TBC1D9: variants seen among roughly 807,000 people sequenced by gnomAD.
TBC1D9 encodes the protein TBC1 domain family member 9A.
Under a neutral mutation model 132.0 loss-of-function variants are expected in TBC1D9, and 63 were observed. That is an observed-to-expected ratio of 0.48 (90% CI 0.39 to 0.59). The LOEUF (loss-of-function observed/expected upper bound fraction) is 0.59. Ranked by LOEUF, TBC1D9 falls within the 20% of genes least tolerant of loss-of-function variation. The pLI, the probability that TBC1D9 is intolerant of heterozygous loss-of-function variation, is 0.00. For synonymous variants in TBC1D9, 610 were observed against 609.9 expected, an observed-to-expected ratio of 1.00 and a Z score of 0.00; for missense variants, 1,261 against 1,592.7, an observed-to-expected ratio of 0.79 and a Z score of 3.54.
chr4:140,703,519 C>T (rs758), intron 1 of TBC1D9, among the ~76,000 whole-genome samples: 66,642 of 151,886 alleles, frequency 0.44, 16,771 homozygotes, highest in African/African-American at 0.69. Context: ...TTTAACTTCT[C>T]GTTGCTTTGA....
intron 3 of TBC1D9, among the ~76,000 whole-genome samples, chr4:140,680,942 T>C (rs984268306): frequency 1.3e-5 from 2 of 152,212 alleles, no homozygotes; most frequent in Non-Finnish European, 2.9e-5. Context: ...AGTCCAAAAA[T>C]CTAGATCATG....
chr4:140,687,371 T>TG (rs1209797245), intron 2 of TBC1D9, among the ~76,000 whole-genome samples: 1 of 96,340 alleles, frequency 1.0e-5, no homozygotes, highest in Admixed American at 1.1e-4. Context: ...TATATATATA[T>TG]ATATATATAT....
intron 15 of TBC1D9, among the ~76,000 whole-genome samples, chr4:140,638,398 G>A (rs1260166893): frequency 6.6e-6 from 1 of 151,666 alleles, no homozygotes; most frequent in Non-Finnish European, 1.5e-5. Context: ...TTGGGGCCAG[G>A]TGTGGTGGCT....
At chr4:140,709,246 TCTCACACACACACACACA>T (rs1362969892) in intron 1 of TBC1D9, among the ~76,000 whole-genome samples, 3 of 102,318 alleles carry the variant, frequency 2.9e-5, no homozygotes, top group African/African-American at 1.4e-4. Context: ...TCTCTCTCTC[TCTCACACACACACACACA>T]CACACACACA....
chr4:140,644,964 C>T (rs6843773), intron 13 of TBC1D9: 265,823 of 461,432 alleles, frequency 0.58, 78,717 homozygotes, highest in African/African-American at 0.78. Context: ...TCCCAAGCCC[C>T]AGGGGTGTCC....
intron 2 of TBC1D9, among the ~76,000 whole-genome samples, chr4:140,689,396 C>T (rs1737838299): frequency 6.6e-6 from 1 of 150,784 alleles, no homozygotes; most frequent in African/African-American, 2.4e-5. Context: ...CTCCTTCCTT[C>T]CCCGCTTCCC....
At position 140,682,515 on chromosome 4, in the gene TBC1D9, G is replaced by A. The variant is rs140837710; in HGVS notation, c.361-2672C>T. Among the ~76,000 whole-genome samples, 270 of 152,276 alleles carry A rather than the reference G, an allele frequency of 1.8e-3. 1 individual carries two copies. Among genetic ancestry groups the A allele is most frequent in the African/African-American group, 5.3e-3 (219 of 41,562 alleles). ...GGAAAAGGGATGAAAAATGCCTTTC[G>A]CAGTTGGCAAATACACCTGTGGCCT... is the stretch of plus-strand genomic sequence containing the variant. On this transcript the variant is annotated intron_variant, in intron 3 of 20. Transcript: ENST00000442267.
chr4:140,659,592 A>C lies in TBC1D9; in HGVS notation c.1917T>G (p.Val639=). ...GTTAAATGCATCTCCACTTACCCAC[A>C]ACTCTGGTGTTGTAGTAATCTGGGA... ...RMLPDYYNTR[V]VGALVDQGVF... The change falls in exon 11 of 21, where the codon GTT becomes GTG. Residue 639 remains valine, a synonymous_variant. Coordinates refer to ENST00000442267, the MANE Select transcript of TBC1D9 (RefSeq NM_015130.3). 1.3e-6 allele frequency: 2 copies of C among 1,589,134 alleles called. No homozygotes were observed. Among genetic ancestry groups the C allele is most frequent in the Non-Finnish European group, 1.7e-6 (2 of 1,166,868 alleles).
At chr4:140,695,763 C>G (rs1737945561) in intron 2 of TBC1D9, among the ~76,000 whole-genome samples, 1 of 152,160 alleles carries the variant, frequency 6.6e-6, no homozygotes, top group Non-Finnish European at 1.5e-5. Flanking sequence ...GGACTCTCTG[C>G]TGCCTCTGGA....
Position 140,624,121 on chromosome 4 carries a change from T to A in TBC1D9, c.3073A>T (p.Asn1025Tyr). Reference sequence around the variant, plus strand: ...TTTGAACTTTAAGCACTTACCTGATTTAATTTGGGTAAATCCTTTGCATTC... The same window carrying A: ...TTTGAACTTTAAGCACTTACCTGATATAATTTGGGTAAATCCTTTGCATTC... The part of the protein sequence containing the change: ...SKNAKDLPKL[N>Y]QGQFIELCKT... Residue 1025 changes from asparagine to tyrosine, a missense_variant, in exon 20 of 21, where the codon AAT (asparagine) becomes TAT (tyrosine). By Grantham distance (143) the Asn-to-Tyr change is moderately radical (BLOSUM62 -2). Transcript: ENST00000442267. 1 of 1,604,112 alleles carries A rather than the reference T, an allele frequency of 6.2e-7. No individual in the cohort carries two copies. Among genetic ancestry groups the A allele is most frequent in the Non-Finnish European group, 8.5e-7 (1 of 1,174,140 alleles).
intron 1 of TBC1D9, among the ~76,000 whole-genome samples, chr4:140,753,576 C>T (rs1738958207): frequency 6.6e-6 from 1 of 152,226 alleles, no homozygotes; most frequent in Non-Finnish European, 1.5e-5. Context: ...CTCACGGACT[C>T]CTGAGAGTCC....
In TBC1D9 at chr4:140,622,692, C is replaced by T; in HGVS notation, c.3304G>A (p.Gly1102Ser). ...PGVLFPKKGP[G>S]QPYVVESVEP... ...ACAGACTCCACCACGTAAGGCTGGC[C>T]TGGCCCTTTCTTGGGGAAGAGCACG... Residue 1102 changes from glycine to serine, a missense_variant, in exon 21 of 21, where the codon GGC becomes AGC. By Grantham distance (56) the Gly-to-Ser change is moderately conservative. Coordinates refer to ENST00000442267, the MANE Select transcript of TBC1D9 (RefSeq NM_015130.3). 1 of 1,611,692 alleles carries T rather than the reference C, an allele frequency of 6.2e-7. No homozygotes were observed. Among genetic ancestry groups the T allele is most frequent in the Non-Finnish European group, 8.5e-7 (1 of 1,179,236 alleles).
intron 13 of TBC1D9, among the ~76,000 whole-genome samples, chr4:140,651,608 T>A (rs1020607706): frequency 4.6e-5 from 7 of 152,214 alleles, no homozygotes; most frequent in Non-Finnish European, 5.9e-5. Context: ...AAGCTATGGA[T>A]TAGCAAAAAA....
intron 1 of TBC1D9, among the ~76,000 whole-genome samples, chr4:140,754,614 C>CAAAAAAAAAAAAA (rs34471976): frequency 4.3e-5 from 1 of 23,264 alleles, no homozygotes; most frequent in Non-Finnish European, 7.2e-5. Context: ...GACTCTGTCT[C>CAAAAAAAAAAAAA]AAAAAAAAAA....
intron 8 of TBC1D9, among the ~76,000 whole-genome samples, chr4:140,669,328 C>A (rs1737499042): frequency 6.6e-6 from 1 of 152,060 alleles, no homozygotes; most frequent in South Asian, 2.1e-4. Context: ...TATGTCTGCA[C>A]CCCCAAGTGA....
intron 18 of TBC1D9, among the ~76,000 whole-genome samples, chr4:140,627,188 C>T (rs1736722980): frequency 6.6e-6 from 1 of 152,194 alleles, no homozygotes; most frequent in African/African-American, 2.4e-5. Context: ...AAGAGGGCAG[C>T]AAAGTATACA....
intron 1 of TBC1D9, among the ~76,000 whole-genome samples, chr4:140,701,815 G>A (rs1047019166): frequency 1.3e-5 from 2 of 151,834 alleles, no homozygotes; most frequent in African/African-American, 4.8e-5. Context: ...AGAAGCAGTC[G>A]TGTCCATCTG....
intron 17 of TBC1D9, 134 bp downstream of exon 17, chr4:140,628,166 T>C (rs1310476977): frequency 1.5e-6 from 1 of 688,314 alleles, no homozygotes; most frequent in Non-Finnish European, 2.5e-6. Flanking sequence ...AAATTGTCAT[T>C]GTTCAGTTAG....
chr4:140,675,141 A>C (rs2061752354), intron 6 of TBC1D9, among the ~76,000 whole-genome samples: 1 of 152,092 alleles, frequency 6.6e-6, no homozygotes. Context: ...ACAGCAATGC[A>C]GAGAAAAAAC....
Sources: gnomAD v4.1 joint callset for allele counts (sites outside exome capture counted in the v4.1 genomes callset) on GRCh38, gnomAD v4.1.1 for gene constraint, MANE v1.5 for transcripts, NCBI Gene and HGNC (gene_info 2026-07-23, HGNC 2026-07-21) for gene names.